The following ATP8A2 variants were observed in gnomAD, a reference collection of about 807,000 sequenced individuals.
ATP8A2 encodes the protein ATPase phospholipid transporting 8A2.
In ATP8A2, 100 loss-of-function variants were observed where a neutral mutation model predicts 165.6. That is an observed-to-expected ratio of 0.60 (90% CI 0.51 to 0.71). ATP8A2 has a LOEUF of 0.71. Ranked by LOEUF, ATP8A2 falls within the 30% of genes least tolerant of loss-of-function variation. The pLI, the probability that ATP8A2 is intolerant of heterozygous loss-of-function variation, is 0.00. For synonymous variants in ATP8A2, 543 were observed against 548.8 expected (o/e 0.99, Z 0.15); for missense variants, 1,227 against 1,479.5 (o/e 0.83, Z 2.80).
chr13:25,458,007 G>A (rs1253831135), intron 1 of ATP8A2, among the ~76,000 whole-genome samples: 1 of 152,206 alleles, frequency 6.6e-6, no homozygotes, highest in Non-Finnish European at 1.5e-5. Flanking sequence ...ACCAGTGATT[G>A]TAAGCAAACA....
intron 33 of ATP8A2, among the ~76,000 whole-genome samples, chr13:25,915,515 C>A (rs565842851): frequency 6.6e-6 from 1 of 152,204 alleles, no homozygotes; most frequent in Admixed American, 6.5e-5. Context: ...GTGGGCCAGT[C>A]CAGCAGGGGC....
rs887747468 is a variant in ATP8A2, at chr13:25,792,784, G to A, written c.2679+17825G>A. On this transcript the variant is annotated intron_variant, in intron 27 of 36. Transcript: ENST00000381655. ...GAAAGAAAAAAAATAGCCGGGGGTG[G>A]TGGTATGGGCCTGTAGTCCTAGCTA... Among the ~76,000 whole-genome samples the A allele has an allele frequency of 3.6e-4, 54 of 151,802 alleles. 1 individual carries two copies. The highest frequency in any genetic ancestry group is 5.9e-5 in the Non-Finnish European group (4 of 67,938).
At chr13:25,758,312 A>G (rs947526502) in intron 25 of ATP8A2, among the ~76,000 whole-genome samples, 2 of 152,208 alleles carry the variant, frequency 1.3e-5, no homozygotes, top group African/African-American at 2.4e-5. Flanking sequence ...TTGCAAAAAC[A>G]TGGGCAATTA....
At chr13:25,520,957 G>A (rs2037653342) in intron 2 of ATP8A2, among the ~76,000 whole-genome samples, 1 of 151,986 alleles carries the variant, frequency 6.6e-6, no homozygotes, top group African/African-American at 2.4e-5. Context: ...TTTCTATACT[G>A]GCTGTACCAA....
intron 33 of ATP8A2, among the ~76,000 whole-genome samples, chr13:25,914,805 C>T (rs1196716671): frequency 3.3e-5 from 5 of 152,212 alleles, no homozygotes; most frequent in Admixed American, 2.6e-4. Flanking sequence ...TCTGTCTGCC[C>T]GCCTCAGCCA....
intron 24 of ATP8A2, among the ~76,000 whole-genome samples, chr13:25,646,471 T>C (rs2041673557): frequency 6.6e-6 from 1 of 151,928 alleles, no homozygotes; most frequent in Admixed American, 6.6e-5. Context: ...CTGGCCAAGA[T>C]GGTGAAACCC....
chr13:25,709,467 T>C (rs574279523), intron 25 of ATP8A2, among the ~76,000 whole-genome samples: 25 of 152,352 alleles, frequency 1.6e-4, no homozygotes, highest in Non-Finnish European at 2.9e-4. Flanking sequence ...TTACAGATGA[T>C]TGAACCTTAA....
In ATP8A2 at chr13:25,586,953, T is replaced by G. The variant is rs150000417; in HGVS notation, c.2147-2682T>G. ...ATATTTTGGTTTCTTTGAATGTTGA[T>G]TATACTCAGGTAGTAGAAAGACTAA... is the stretch of plus-strand genomic sequence containing the variant. On this transcript the variant is annotated intron_variant, in intron 23 of 36. Transcript: ENST00000381655. Among the ~76,000 whole-genome samples, 389 of 152,338 alleles carry G rather than the reference T, an allele frequency of 2.6e-3. 3 individuals are homozygous for G. The highest frequency in any genetic ancestry group is 8.8e-3 in the African/African-American group (367 of 41,574).
intron 25 of ATP8A2, among the ~76,000 whole-genome samples, chr13:25,701,027 A>G (rs1392038428): frequency 6.6e-6 from 1 of 152,072 alleles, no homozygotes; most frequent in Non-Finnish European, 1.5e-5. Context: ...TCCTTTGCCC[A>G]TTTTTAAGTT....
chr13:25,795,732 A>G (rs1950486316), intron 27 of ATP8A2, among the ~76,000 whole-genome samples: 1 of 152,226 alleles, frequency 6.6e-6, no homozygotes, highest in Non-Finnish European at 1.5e-5. Flanking sequence ...GATAAGTAGT[A>G]AAGAAATTTA....
intron 2 of ATP8A2, among the ~76,000 whole-genome samples, chr13:25,497,045 G>T (rs2036699387): frequency 6.6e-6 from 1 of 152,142 alleles, no homozygotes; most frequent in Non-Finnish European, 1.5e-5. Flanking sequence ...AGGCTGCGGG[G>T]CCCTCAGAGG....
intron 34 of ATP8A2, among the ~76,000 whole-genome samples, chr13:25,964,779 G>T (rs902782013): frequency 7.2e-5 from 11 of 152,128 alleles, no homozygotes; most frequent in African/African-American, 2.7e-4. Flanking sequence ...CTTCCACAGG[G>T]GTGCTGCGGG....
chr13:25,517,574 C>G (rs747723944), intron 2 of ATP8A2, among the ~76,000 whole-genome samples: 1 of 152,188 alleles, frequency 6.6e-6, no homozygotes, highest in Non-Finnish European at 1.5e-5. Flanking sequence ...AACTTACCTT[C>G]AAAGGTGTAT....
At chr13:25,905,138 C>A (rs1953894969) in intron 33 of ATP8A2, among the ~76,000 whole-genome samples, 1 of 151,800 alleles carries the variant, frequency 6.6e-6, no homozygotes, top group South Asian at 2.1e-4. Context: ...ATTGTATCTT[C>A]TCTCTACCCA....
intron 2 of ATP8A2, among the ~76,000 whole-genome samples, chr13:25,505,989 T>A (rs535043481): frequency 6.6e-6 from 1 of 151,574 alleles, no homozygotes; most frequent in African/African-American, 2.4e-5. Context: ...GTCAAGCAGC[T>A]TCTCCAAGCT....
At chr13:25,685,397 C>T (rs1392193430) in intron 24 of ATP8A2, among the ~76,000 whole-genome samples, 1 of 152,122 alleles carries the variant, frequency 6.6e-6, no homozygotes, top group Non-Finnish European at 1.5e-5. Flanking sequence ...CCTGAATATA[C>T]AATTGTGAAA....
intron 17 of ATP8A2, 107 bp downstream of exon 17, chr13:25,570,979 G>A: frequency 1.3e-6 from 1 of 780,918 alleles, no homozygotes; most frequent in Non-Finnish European, 2.0e-6. Context: ...AGACTCGGCT[G>A]TCTGCTGTTG....
chr13:25,822,484 AAC>A (rs1469250881), intron 27 of ATP8A2, among the ~76,000 whole-genome samples: 1 of 152,164 alleles, frequency 6.6e-6, no homozygotes, highest in Admixed American at 6.5e-5. Flanking sequence ...TGATAAGAAA[AAC>A]AGTTATATCC....
chr13:25,553,419 C>A (rs2038883885), intron 11 of ATP8A2, among the ~76,000 whole-genome samples: 1 of 152,220 alleles, frequency 6.6e-6, no homozygotes, highest in Admixed American at 6.5e-5. Flanking sequence ...CCTTAGTGAG[C>A]TTGTAGGTGT....
Sources: allele counts gnomAD v4.1 joint callset (sites outside exome capture counted in the v4.1 genomes callset), GRCh38; gene constraint gnomAD v4.1.1; transcripts MANE v1.5; gene names NCBI Gene and HGNC (gene_info 2026-07-23, HGNC 2026-07-21).